The following SPATA21 variants were observed in gnomAD, a reference collection of about 807,000 sequenced individuals.
SPATA21 encodes spermatogenesis-associated protein 21.
Under a neutral mutation model 54.8 loss-of-function variants are expected in SPATA21, and 47 were observed. That is an observed-to-expected ratio of 0.86 (90% CI 0.68 to 1.09). The LOEUF is 1.09. Among genes scored for constraint, SPATA21 ranks in the 50% least tolerant of loss-of-function variants. The probability of loss-of-function intolerance (pLI) is 0.00; values close to 1 mark genes in which losing one functional copy is unlikely to be tolerated. For synonymous variants in SPATA21, 245 were observed against 235.3 expected (o/e 1.04, Z -0.38); for missense variants, 599 against 596.4 (o/e 1.00, Z -0.05).
chr1:16,425,442 G>T, intron 3 of SPATA21: 1 of 1,401,058 alleles, frequency 7.1e-7, no homozygotes, highest in Non-Finnish European at 9.8e-7. Context: ...CACCAGAATG[G>T]GGGGCATGAT....
intron 3 of SPATA21, among the ~76,000 whole-genome samples, chr1:16,424,720 C>A (rs1331945801): frequency 6.6e-6 from 1 of 151,612 alleles, no homozygotes; most frequent in East Asian, 2.1e-4. Flanking sequence ...GGCCTCTAAT[C>A]ATATCTTGCA....
At chr1:16,415,949 A>T (rs1163859651) in intron 5 of SPATA21, among the ~76,000 whole-genome samples, 3 of 152,054 alleles carry the variant, frequency 2.0e-5, no homozygotes, top group South Asian at 2.1e-4. Flanking sequence ...AGGCCCTGAC[A>T]TCTTTCCCTC....
chr1:16,428,072 G>A lies in SPATA21; in HGVS notation c.34+3266C>T. 14 of 1,514,150 alleles carry A rather than the reference G, an allele frequency of 9.2e-6. No homozygotes were observed. In the South Asian group the frequency reaches 1.7e-4, roughly 18 times the overall value. The allele number at this position is 1,514,150 out of a possible 1,614,324, so 93.8% of individuals were successfully genotyped here. ...GGGCTGGCATTGAGTACCCGTTCTG[G>A]AGTGATCCCTCCCACTCCTCCCTGG... On this transcript the variant is annotated intron_variant, in intron 3 of 12. Coordinates refer to ENST00000335496, the MANE Select transcript of SPATA21 (RefSeq NM_198546.1). The surrounding 1 kb of genome is among the most constrained non-coding windows in gnomAD (Gnocchi z 4.3).
intron 7 of SPATA21, among the ~76,000 whole-genome samples, chr1:16,405,505 A>C (rs1213627938): frequency 4.7e-5 from 7 of 149,998 alleles, no homozygotes; most frequent in South Asian, 4.2e-4. Context: ...AAAAAAAAAA[A>C]AAAAAAAAAA....
At chr1:16,422,256 T>C in intron 3 of SPATA21, 1 of 1,367,950 alleles carries the variant, frequency 7.3e-7, no homozygotes, top group Non-Finnish European at 9.5e-7. Context: ...TGAACCTCAA[T>C]GCTCCAGGCG....
chr1:16,424,196 C>T (rs1365522859), intron 3 of SPATA21, among the ~76,000 whole-genome samples: 2 of 138,466 alleles, frequency 1.4e-5, no homozygotes, highest in African/African-American at 2.7e-5. Context: ...ACCTGTAATC[C>T]CAGCACTTTG....
chr1:16,412,623 C>T (rs566596660), intron 5 of SPATA21, among the ~76,000 whole-genome samples: 8 of 152,006 alleles, frequency 5.3e-5, no homozygotes, highest in South Asian at 2.1e-4. Flanking sequence ...CCACCATGCC[C>T]GGCTAATTTT....
chr1:16,399,284 G>A, intron 12 of SPATA21, 60 bp downstream of exon 12: 2 of 1,510,936 alleles, frequency 1.3e-6, no homozygotes, highest in South Asian at 1.3e-5. Context: ...ATTAGGCCAG[G>A]GGCCTCTTAA....
At chr1:16,431,738 C>T (rs1435853693) in intron 2 of SPATA21, among the ~76,000 whole-genome samples, 1 of 152,136 alleles carries the variant, frequency 6.6e-6, no homozygotes, top group African/African-American at 2.4e-5. Flanking sequence ...AGGCGCTTTC[C>T]CCGACGGCGA....
At chr1:16,404,479 CA>C (rs540957100) in intron 8 of SPATA21, among the ~76,000 whole-genome samples, 1 of 151,630 alleles carries the variant, frequency 6.6e-6, no homozygotes, top group Admixed American at 6.6e-5. Flanking sequence ...CAAAAACAAA[CA>C]AAAAAACAAA....
At chr1:16,427,791 C>T in intron 3 of SPATA21, 1 of 1,466,798 alleles carries the variant, frequency 6.8e-7, no homozygotes, top group Non-Finnish European at 9.1e-7. Context: ...TCTCCATTCT[C>T]TCTCTCTCCC....
In SPATA21 at chr1:16,399,245, T is replaced by A. The variant is rs967210301; in HGVS notation, c.1352+99A>T. 7 of 1,351,140 alleles carry A rather than the reference T, an allele frequency of 5.2e-6. No individual in the cohort carries two copies. In the Admixed American group the frequency reaches 1.8e-4, roughly 35 times the overall value. The allele number at this position is 1,351,140 out of a possible 1,614,324, so 83.7% of individuals were successfully genotyped here. A position where few individuals can be genotyped will look rare whatever the true frequency, so the allele number is the denominator to read the frequency against. On this transcript the variant is annotated intron_variant, in intron 12 of 12. Coordinates refer to ENST00000335496, the MANE Select transcript of SPATA21 (RefSeq NM_198546.1). The stretch of plus-strand genomic sequence containing the variant: ...CCTGGAGCAAGCAGCCTCTCAGGTA[T>A]GATCTCTTAGAAAGATGGATTCCCA...
chr1:16,421,657 G>T lies in SPATA21; in HGVS notation c.96-100C>A. On this transcript the variant is annotated intron_variant, in intron 4 of 12. Transcript: ENST00000335496. This position sits in a 1 kb window ranked among gnomAD's most constrained non-coding sequence, Gnocchi z 5.2. ...CCCCAGGACACTCAGTTCCACCCCA[G>T]CCTCATCCCCTTGGCCTTCTCATCT... is the stretch of plus-strand genomic sequence containing the variant. The T allele has an allele frequency of 7.6e-7, 1 of 1,309,618 alleles. No homozygotes were observed. 81.1% of individuals were successfully genotyped at this position (1,309,618 alleles called of 1,614,324 possible).
intron 10 of SPATA21, among the ~76,000 whole-genome samples, chr1:16,402,456 T>C (rs2085482280): frequency 2.0e-5 from 3 of 151,268 alleles, no homozygotes; most frequent in Admixed American, 1.3e-4. Context: ...AGAGACGAGG[T>C]TTCACCATGT....
chr1:16,404,060 G>C (rs1557645235), intron 8 of SPATA21, 21 bp from the exon 9 acceptor site: 1 of 1,551,104 alleles, frequency 6.4e-7, no homozygotes, highest in East Asian at 2.4e-5. Context: ...CAGAGGAGTA[G>C]GGTGGGCAGG....
At chr1:16,402,249 CTTTTTTTTT>C (rs869032281) in intron 10 of SPATA21, among the ~76,000 whole-genome samples, 5 of 55,946 alleles carry the variant, frequency 8.9e-5, no homozygotes, top group African/African-American at 1.6e-4. Flanking sequence ...AGCTGCCATT[CTTTTTTTTT>C]TTTTTTTTTT....
intron 3 of SPATA21, among the ~76,000 whole-genome samples, chr1:16,425,885 T>C (rs918319020): frequency 1.3e-5 from 2 of 152,076 alleles, no homozygotes; most frequent in Non-Finnish European, 2.9e-5. Context: ...GACACTTTGA[T>C]GTCAATGTTT....
At position 16,398,708 on chromosome 1, in the gene SPATA21, GGT is replaced by G. The variant is rs560602084; in HGVS notation, c.*55_*56del. On this transcript the variant is annotated 3_prime_UTR_variant, in exon 13 of 13. Transcript: ENST00000335496. ...CAAATCCCAGCAGCAGCTCCTGCCT[GGT>G]GGCCCATCTGTCTACAGGCCTTGAG... The G allele has an allele frequency of 8.4e-5, 134 of 1,588,068 alleles. No homozygotes were observed. In the African/African-American group the frequency reaches 1.7e-3, roughly 20 times the overall value.
In SPATA21 at chr1:16,422,127, C is replaced by T. The variant is rs539256557; in HGVS notation, c.35-156G>A. ...CAGTGGCTGGCCATGGCTGGCCAAGCGGCAGCAAGGCTCTGCTGGCTGCAC... is the reference window on the plus strand; with the variant it reads ...CAGTGGCTGGCCATGGCTGGCCAAGTGGCAGCAAGGCTCTGCTGGCTGCAC... On this transcript the variant is annotated intron_variant, in intron 3 of 12. Coordinates refer to ENST00000335496, the MANE Select transcript of SPATA21 (RefSeq NM_198546.1). 49 of 1,502,810 alleles carry T rather than the reference C, an allele frequency of 3.3e-5. No homozygotes were observed. The African/African-American group carries it at 4.8e-4, about 15-fold the overall frequency. 93.1% of individuals were successfully genotyped at this position (1,502,810 alleles called of 1,614,324 possible).
Sources: allele counts gnomAD v4.1 joint callset (sites outside exome capture counted in the v4.1 genomes callset), GRCh38; gene constraint gnomAD v4.1.1; non-coding constraint Gnocchi (gnomAD v3.1); transcripts MANE v1.5; gene names NCBI Gene and HGNC (gene_info 2026-07-23, HGNC 2026-07-21).